The following ESCO1 variants were observed in gnomAD, a reference collection of about 807,000 sequenced individuals.
ESCO1 encodes the protein establishment of sister chromatid cohesion N-acetyltransferase 1, also known as N-acetyltransferase ESCO1.
ESCO1 carries 33 observed loss-of-function variants against 83.5 expected under a neutral mutation model. The ratio of observed to expected loss-of-function variants is 0.40; its 90% CI spans 0.30 to 0.53. The LOEUF (loss-of-function observed/expected upper bound fraction) is 0.53, where lower values mean the gene tolerates loss of function less well. Ranked by LOEUF, ESCO1 falls within the 20% of genes least tolerant of loss-of-function variation. The pLI, the probability that ESCO1 is intolerant of heterozygous loss-of-function variation, is 0.63. For synonymous variants in ESCO1, 332 were observed against 324.3 expected, an observed-to-expected ratio of 1.02 and a Z score of -0.25; for missense variants, 855 against 968.0, an observed-to-expected ratio of 0.88 and a Z score of 1.55.
chr18:21,577,937 G>A (rs761435950), intron 2 of ESCO1, among the ~76,000 whole-genome samples: 19 of 152,184 alleles, frequency 1.2e-4, no homozygotes, highest in Non-Finnish European at 2.4e-4. Flanking sequence ...TACTAAGGAA[G>A]TGGAAAGATT....
At position 21,530,510 on chromosome 18, in the gene ESCO1, G is replaced by A. The variant is rs1280986959; in HGVS notation, c.2376-20C>T. 4.9e-6 allele frequency: 7 copies of A among 1,440,050 alleles called. No individual in the cohort carries two copies. The highest frequency in any genetic ancestry group is 1.3e-5 in the South Asian group (1 of 76,700). 89.2% of individuals were successfully genotyped at this position (1,440,050 alleles called of 1,614,324 possible). ...TTACTCCTATTAAAAAAAAATGGGG[G>A]GGGGGAAGGGTTAAGTGTGAAATGT... On this transcript the variant is annotated intron_variant, in intron 11 of 11. Transcript: ENST00000269214.
chr18:21,540,360 G>T (rs1022815769), intron 8 of ESCO1, among the ~76,000 whole-genome samples: 2 of 152,100 alleles, frequency 1.3e-5, no homozygotes, highest in Non-Finnish European at 2.9e-5. Flanking sequence ...AACTCTCCCA[G>T]ATTCTTGATA....
intron 2 of ESCO1, among the ~76,000 whole-genome samples, chr18:21,581,126 C>G (rs1250194862): frequency 1.3e-5 from 2 of 152,124 alleles, no homozygotes; most frequent in Non-Finnish European, 2.9e-5. Flanking sequence ...TCCTGGCTAA[C>G]ATGGTGAAAC....
At chr18:21,572,659 T>C (rs2038355544) in intron 4 of ESCO1, among the ~76,000 whole-genome samples, 3 of 152,148 alleles carry the variant, frequency 2.0e-5, no homozygotes, top group Non-Finnish European at 4.4e-5. Context: ...AATTTTAATA[T>C]TTAGGTCAAA....
At chr18:21,542,217 ACT>A (rs1233211600) in intron 8 of ESCO1, among the ~76,000 whole-genome samples, 1 of 152,098 alleles carries the variant, frequency 6.6e-6, no homozygotes, top group African/African-American at 2.4e-5. Context: ...ACAGAGTCTC[ACT>A]CTGTCACCCA....
At chr18:21,540,298 A>C (rs751707265) in intron 8 of ESCO1, among the ~76,000 whole-genome samples, 4 of 152,174 alleles carry the variant, frequency 2.6e-5, no homozygotes, top group Non-Finnish European at 5.9e-5. Flanking sequence ...TTAATTTTGA[A>C]AGCCACACAC....
At position 21,577,198 on chromosome 18, in the gene ESCO1, T is replaced by C. The variant is rs141554555; in HGVS notation, c.-693-1421A>G. Among the ~76,000 whole-genome samples, 152 of 147,268 alleles carry C rather than the reference T, an allele frequency of 1.0e-3. 1 individual carries two copies. Among genetic ancestry groups the C allele is most frequent in the African/African-American group, 3.6e-3 (144 of 39,650 alleles). Reference sequence around the variant, plus strand: ...GGTGAAACCCTATCTCTACTAAAAATACAAAAAAATTAGCTGGGCATGGTG... The same window carrying C: ...GGTGAAACCCTATCTCTACTAAAAACACAAAAAAATTAGCTGGGCATGGTG... On this transcript the variant is annotated intron_variant, in intron 2 of 11. Coordinates refer to ENST00000269214, the MANE Select transcript of ESCO1 (RefSeq NM_052911.3).
chr18:21,561,217 A>T (rs550660367), intron 7 of ESCO1, among the ~76,000 whole-genome samples: 1 of 152,326 alleles, frequency 6.6e-6, no homozygotes, highest in Non-Finnish European at 1.5e-5. Flanking sequence ...ACAATTTTTT[A>T]AAAACTGACA....
At chr18:21,531,616 C>T (rs762130593) in intron 11 of ESCO1, among the ~76,000 whole-genome samples, 4 of 151,706 alleles carry the variant, frequency 2.6e-5, no homozygotes, top group South Asian at 2.1e-4. Flanking sequence ...CCCAGGAGTT[C>T]GAGACCAGCC....
intron 10 of ESCO1, among the ~76,000 whole-genome samples, chr18:21,533,674 G>A (rs1368272369): frequency 6.6e-6 from 1 of 151,984 alleles, no homozygotes; most frequent in African/African-American, 2.4e-5. Context: ...TCTAAACACC[G>A]CTATAAGTCA....
At chr18:21,584,017 A>C (rs1358793034) in intron 2 of ESCO1, among the ~76,000 whole-genome samples, 1 of 152,212 alleles carries the variant, frequency 6.6e-6, no homozygotes. Context: ...AGATGGTGGA[A>C]GGAAGAGAAT....
chr18:21,569,708 C>T (rs1016997900), intron 4 of ESCO1, among the ~76,000 whole-genome samples: 4 of 152,078 alleles, frequency 2.6e-5, no homozygotes, highest in Non-Finnish European at 4.4e-5. Flanking sequence ...CATGCCATTG[C>T]ACTTAGCTGG....
intron 1 of ESCO1, among the ~76,000 whole-genome samples, chr18:21,592,335 G>A (rs368624162): frequency 1.6e-4 from 24 of 150,432 alleles, no homozygotes; most frequent in Middle Eastern, 7.0e-3. Context: ...CCGGGCAGAG[G>A]CGCCCCTCAC....
chr18:21,591,659 GCTT>G (rs2038670488), intron 1 of ESCO1, among the ~76,000 whole-genome samples: 2 of 108,878 alleles, frequency 1.8e-5, no homozygotes, highest in East Asian at 5.6e-4. Flanking sequence ...CACCACAGAT[GCTT>G]TTTTTTTTTT....
chr18:21,552,674 C>T (rs1279514471), intron 8 of ESCO1, among the ~76,000 whole-genome samples: 1 of 152,056 alleles, frequency 6.6e-6, no homozygotes, highest in Non-Finnish European at 1.5e-5. Flanking sequence ...GACAGAGAAC[C>T]CGGAAACAGA....
intron 1 of ESCO1, chr18:21,593,030 G>A (rs1218612115): frequency 1.2e-5 from 2 of 162,138 alleles, no homozygotes; most frequent in African/African-American, 4.8e-5. Flanking sequence ...TCCTAGATGG[G>A]ATGGCGGCCG....
At position 21,549,438 on chromosome 18, in the gene ESCO1, G is replaced by A. The variant is rs142912924; in HGVS notation, c.1954-9429C>T. 9.7e-3 allele frequency among the ~76,000 whole-genome samples: 1,473 copies of A among 151,612 alleles called. 27 individuals are homozygous for A. The highest frequency in any genetic ancestry group is 0.033 in the African/African-American group (1,386 of 41,380). On this transcript the variant is annotated intron_variant, in intron 8 of 11. Coordinates refer to ENST00000269214, the MANE Select transcript of ESCO1 (RefSeq NM_052911.3). ...ACTTCCTTGTTTTTTTTTTGGAGAC[G>A]GAGTCTCGCTCTGTTGCCCAGGCTG...
Position 21,574,014 on chromosome 18 carries a change from G to T in ESCO1, c.830C>A (p.Pro277Gln). 6.2e-7 allele frequency: 1 copy of T among 1,613,440 alleles called. No homozygotes were observed. The highest frequency in any genetic ancestry group is 8.5e-7 in the Non-Finnish European group (1 of 1,180,014). ...AGGCACTGATGGCTGTGGACTTTTT[G>T]GGAGTGTTGTGTTAGTATTCACTTG... ...HTQVNTNTTL[P>Q]KSPQPSVPEQ... Residue 277 changes from proline to glutamine, a missense_variant, in exon 4 of 12, where the codon CCA (proline) becomes CAA (glutamine). By Grantham distance (76) the Pro-to-Gln change is moderately conservative (BLOSUM62 -1). This residue lies in a region of ESCO1 where 726 missense variants were observed against 699.5 expected (regional missense o/e 1.04). Coordinates refer to ENST00000269214, the MANE Select transcript of ESCO1 (RefSeq NM_052911.3).
chr18:21,572,531 A>G (rs1362396979), intron 4 of ESCO1, among the ~76,000 whole-genome samples: 2 of 152,204 alleles, frequency 1.3e-5, no homozygotes, highest in African/African-American at 4.8e-5. Context: ...TATACCTCTC[A>G]GACAGACATT....
Sources: gnomAD v4.1 joint callset for allele counts (sites outside exome capture counted in the v4.1 genomes callset) on GRCh38, gnomAD v4.1.1 for gene constraint, gnomAD v4.1.1 regional missense constraint, MANE v1.5 for transcripts, NCBI Gene and HGNC (gene_info 2026-07-23, HGNC 2026-07-21) for gene names.